The following ATP1A2 variants were observed in gnomAD, a reference collection of about 807,000 sequenced individuals.
ATP1A2 encodes ATPase Na+/K+ transporting subunit alpha 2.
ATP1A2 carries 56 observed loss-of-function variants against 113.1 expected under a neutral mutation model. The observed-to-expected ratio is 0.49, with a 90% CI of 0.40 to 0.62. The LOEUF is 0.62. Among genes scored for constraint, ATP1A2 ranks in the 20% least tolerant of loss-of-function variants. ATP1A2 has a pLI of 0.00. For missense variants in ATP1A2, 712 were observed against 1,357.8 expected, an observed-to-expected ratio of 0.52 and a Z score of 7.47; for synonymous variants, 490 against 526.8, an observed-to-expected ratio of 0.93 and a Z score of 0.96.
At position 160,120,998 on chromosome 1, in the gene ATP1A2, G is replaced by A; in HGVS notation, c.105G>A (p.Lys35=). The part of the protein sequence containing the change: ...QKEKELDELK[K]EVAMDDHKLS... The stretch of plus-strand genomic sequence containing the variant: ...AGAAGGAACTGGATGAGCTGAAGAA[G>A]GAGGTGGCAATGGTGAGGGAACTGC... Residue 35 remains lysine (K), a synonymous_variant, in exon 2 of 23, where the codon AAG becomes AAA. Transcript: ENST00000361216. The A allele has an allele frequency of 3.7e-6, 6 of 1,614,054 alleles. No individual in the cohort carries two copies. Among genetic ancestry groups the A allele is most frequent in the Non-Finnish European group, 5.1e-6 (6 of 1,179,952 alleles).
Position 160,136,652 on chromosome 1 carries a change from A to C in ATP1A2, c.2646A>C (p.Gly882=), listed in dbSNP as rs1208700964. 1 of 1,614,094 alleles carries C rather than the reference A, an allele frequency of 6.2e-7. No individual in the cohort carries two copies. Among genetic ancestry groups the C allele is most frequent in the East Asian group, 2.2e-5 (1 of 44,888 alleles). Residue 882 remains glycine, a synonymous_variant, in exon 19 of 23, where the codon GGA becomes GGC. Transcript: ENST00000361216. Reference sequence around the variant, plus strand: ...GTTTCCTGCCATCACGGCTACTGGGAATCCGCCTCGACTGGGATGACCGGA... The same window carrying C: ...GTTTCCTGCCATCACGGCTACTGGGCATCCGCCTCGACTGGGATGACCGGA... ...ENGFLPSRLL[G]IRLDWDDRTM...
At chr1:160,132,067 G>T (rs1179343935) in intron 13 of ATP1A2, among the ~76,000 whole-genome samples, 1 of 152,206 alleles carries the variant, frequency 6.6e-6, no homozygotes, top group Non-Finnish European at 1.5e-5. Flanking sequence ...CTGCCTCAGA[G>T]AACTGGACGA....
chr1:160,119,733 C>T (rs1651318724), intron 1 of ATP1A2, among the ~76,000 whole-genome samples: 1 of 151,402 alleles, frequency 6.6e-6, no homozygotes. Flanking sequence ...TCCATCTGCT[C>T]AGGCGCAGTG....
At chr1:160,116,451 C>G (rs1225744475) in intron 1 of ATP1A2, among the ~76,000 whole-genome samples, 1 of 152,028 alleles carries the variant, frequency 6.6e-6, no homozygotes, top group Non-Finnish European at 1.5e-5. Context: ...CAGCCCCCAC[C>G]CCAGCACCCC....
rs1254965849 is a variant in ATP1A2, at chr1:160,137,036, G to A, written c.2840+5G>A. ...AGTCTTCCAGCAGGGCATGAAGTGAGTGCCCACCCCCATGGCACCTACCCA... is the reference window on the plus strand; with the variant it reads ...AGTCTTCCAGCAGGGCATGAAGTGAATGCCCACCCCCATGGCACCTACCCA... On this transcript the variant is annotated splice_donor_5th_base_variant and intron_variant, in intron 20 of 22. Transcript: ENST00000361216. 6.2e-7 allele frequency: 1 copy of A among 1,613,962 alleles called. No homozygotes were observed. The highest frequency in any genetic ancestry group is 1.3e-5 in the African/African-American group (1 of 74,882).
rs111307364 is a variant in ATP1A2, at chr1:160,121,925, G to T, written c.177+674G>T. Among the ~76,000 whole-genome samples the T allele has an allele frequency of 4.8e-3, 738 of 152,240 alleles. 6 individuals are homozygous for T. The highest frequency in any genetic ancestry group is 0.017 in the African/African-American group (701 of 41,534). Reference sequence around the variant, plus strand: ...GGCAGGCAGATCACTTAAGGTCAGCGGTTTGAGAGCAGCCTGGGCAACATG... The same window carrying T: ...GGCAGGCAGATCACTTAAGGTCAGCTGTTTGAGAGCAGCCTGGGCAACATG... On this transcript the variant is annotated intron_variant, in intron 3 of 22. Coordinates refer to ENST00000361216, the MANE Select transcript of ATP1A2 (RefSeq NM_000702.4).
In ATP1A2 at chr1:160,120,954, G is replaced by A. The variant is rs758613291; in HGVS notation, c.61G>A (p.Gly21Ser). ...PAATTAENGG[G>S]KKKQKEKELD... ...CGCCACCACGGCAGAGAATGGGGGCGGCAAGAAGAAACAGAAGGAGAAGGA... is the reference window on the plus strand; with the variant it reads ...CGCCACCACGGCAGAGAATGGGGGCAGCAAGAAGAAACAGAAGGAGAAGGA... The change falls in exon 2 of 23, where the codon GGC (glycine) becomes AGC (serine). Residue 21 changes from glycine to serine, a missense_variant. Gly to Ser is a moderately conservative substitution (Grantham distance 56). Coordinates refer to ENST00000361216, the MANE Select transcript of ATP1A2 (RefSeq NM_000702.4). 1.8e-5 allele frequency: 29 copies of A among 1,611,806 alleles called. No individual in the cohort carries two copies. The highest frequency in any genetic ancestry group is 1.6e-4 in the Middle Eastern group (1 of 6,084).
chr1:160,139,061 C>A (rs750979134), intron 20 of ATP1A2, among the ~76,000 whole-genome samples: 1 of 152,166 alleles, frequency 6.6e-6, no homozygotes, highest in African/African-American at 2.4e-5. Flanking sequence ...GGAATAGACA[C>A]CACCTGTCTG....
In ATP1A2 at chr1:160,135,028, A is replaced by C. The variant is rs1651889940; in HGVS notation, c.1965-117A>C. 3.0e-6 allele frequency: 4 copies of C among 1,345,388 alleles called. No homozygotes were observed. 83.3% of individuals were successfully genotyped at this position (1,345,388 alleles called of 1,614,324 possible). A position where few individuals can be genotyped will look rare whatever the true frequency, so the allele number is the denominator to read the frequency against. On this transcript the variant is annotated intron_variant, in intron 14 of 22. Coordinates refer to ENST00000361216, the MANE Select transcript of ATP1A2 (RefSeq NM_000702.4). This position sits in a 1 kb window ranked among gnomAD's most constrained non-coding sequence, Gnocchi z 6.3. The stretch of plus-strand genomic sequence containing the variant: ...CTGAGGAGAGGAGAACTGAAGCAAC[A>C]GGGGAAGCAGGCTCAGCAGGGAGCC...
Position 160,142,490 on chromosome 1 carries a change from T to C in ATP1A2, c.*1168T>C, listed in dbSNP as rs1275046413. ...AGGTCATGAACATGGTCAGAACCTT[T>C]GGACAAGAGGAAAAATACTAAGAGA... On this transcript the variant is annotated 3_prime_UTR_variant, in exon 23 of 23. Transcript: ENST00000361216. 5 of 152,220 alleles carry C rather than the reference T, an allele frequency of 3.3e-5. No homozygotes were observed. Among genetic ancestry groups the C allele is most frequent in the Non-Finnish European group, 5.9e-5 (4 of 68,066 alleles). The allele number at this position is 152,220 out of a possible 1,614,324, so 9.4% of individuals were successfully genotyped here. A position where few individuals can be genotyped will look rare whatever the true frequency, so the allele number is the denominator to read the frequency against.
chr1:160,130,254 C>T lies in ATP1A2; in HGVS notation c.1614C>T (p.Ala538=). The T allele has an allele frequency of 6.2e-7, 1 of 1,614,224 alleles. No individual in the cohort carries two copies. Among genetic ancestry groups the T allele is most frequent in the Non-Finnish European group, 8.5e-7 (1 of 1,180,040 alleles). The change falls in exon 12 of 23, where the codon GCC becomes GCT. Residue 538 remains alanine (A), a synonymous_variant. Coordinates refer to ENST00000361216, the MANE Select transcript of ATP1A2 (RefSeq NM_000702.4). ...AGATGCAAGATGCCTTTCAAAATGC[C>T]TACATGGAGCTGGGGGGACTTGGGG... ...DKEMQDAFQN[A]YMELGGLGER...
chr1:160,132,175 C>T (rs1003906520), intron 13 of ATP1A2, among the ~76,000 whole-genome samples: 3 of 152,176 alleles, frequency 2.0e-5, no homozygotes, highest in African/African-American at 7.2e-5. Flanking sequence ...GATCAGGGAA[C>T]AGTGTGTACC....
intron 7 of ATP1A2, among the ~76,000 whole-genome samples, chr1:160,125,724 C>T (rs989812833): frequency 6.6e-6 from 1 of 152,216 alleles, no homozygotes; most frequent in Non-Finnish European, 1.5e-5. Context: ...GCCAGGTGAA[C>T]ACTTGGGGCC....
In ATP1A2 at chr1:160,139,661, G is replaced by A. The variant is rs766804551; in HGVS notation, c.2862G>A (p.Gly954=). 2 of 1,614,098 alleles carry A rather than the reference G, an allele frequency of 1.2e-6. No homozygotes were observed. The highest frequency in any genetic ancestry group is 4.5e-5 in the East Asian group (2 of 44,880). Residue 954 remains glycine (G), a synonymous_variant, in exon 21 of 23, where the codon GGG becomes GGA. Transcript: ENST00000361216. ...TCAGGAACAAGATCCTGATTTTTGGGCTCCTGGAGGAGACGGCGTTGGCTG... is the reference window on the plus strand; with the variant it reads ...TCAGGAACAAGATCCTGATTTTTGGACTCCTGGAGGAGACGGCGTTGGCTG... ...QGMKNKILIF[G]LLEETALAAF...
rs1651665360 is a variant in ATP1A2 at position 160,128,752 on chromosome 1, C to T, written c.1118C>T (p.Ser373Leu). 6.2e-7 allele frequency: 1 copy of T among 1,614,156 alleles called. No homozygotes were observed. Among genetic ancestry groups the T allele is most frequent in the Non-Finnish European group, 8.5e-7 (1 of 1,180,030 alleles). Residue 373 changes from serine to leucine, a missense_variant, in exon 9 of 23, where the codon TCG becomes TTG. Ser to Leu is a moderately radical substitution (Grantham distance 145, BLOSUM62 -2). Transcript: ENST00000361216. ...ETLGSTSTIC[S>L]DKTGTLTQNR... ...CTGGGCTCCACGTCCACCATCTGCT[C>T]GGACAAGACGGGCACCCTCACCCAG...
intron 3 of ATP1A2, among the ~76,000 whole-genome samples, chr1:160,122,986 T>C (rs1486302477): frequency 6.6e-6 from 1 of 152,076 alleles, no homozygotes; most frequent in African/African-American, 2.4e-5. Context: ...CCAATATAAT[T>C]AGGGGTCAAG....
At chr1:160,141,146 T>G in intron 22 of ATP1A2, 148 bp from the exon 23 acceptor site, 4 of 926,600 alleles carry the variant, frequency 4.3e-6, no homozygotes, top group Non-Finnish European at 6.9e-6. Context: ...GCACCCAGCC[T>G]CCTTCCACCT....
At chr1:160,134,889 G>C (rs1289138457) in intron 14 of ATP1A2, among the ~76,000 whole-genome samples, 1 of 152,164 alleles carries the variant, frequency 6.6e-6, no homozygotes, top group Non-Finnish European at 1.5e-5. Context: ...CTGTAGGAGT[G>C]GGATGTGAGT....
chr1:160,129,228 C>T (rs1043259611), intron 10 of ATP1A2, 38 bp from the exon 11 acceptor site: 22 of 1,614,086 alleles, frequency 1.4e-5, no homozygotes, highest in Non-Finnish European at 1.9e-5. Flanking sequence ...ACTCCCTTCC[C>T]TCCCATGCTG....
Sources: gnomAD v4.1 joint callset for allele counts (sites outside exome capture counted in the v4.1 genomes callset) on GRCh38, gnomAD v4.1.1 for gene constraint, Gnocchi (gnomAD v3.1) non-coding constraint, MANE v1.5 for transcripts, NCBI Gene and HGNC (gene_info 2026-07-23, HGNC 2026-07-21) for gene names.